SCOC: variants seen among roughly 807,000 people sequenced by gnomAD.
SCOC encodes short coiled coil protein.
A neutral mutation model predicts 9.9 loss-of-function variants in SCOC; 7 were observed. That is an observed-to-expected ratio of 0.71 (90% CI 0.40 to 1.33). The LOEUF (loss-of-function observed/expected upper bound fraction) is 1.33, where lower values mean the gene tolerates loss of function less well. Among genes scored for constraint, SCOC ranks in the 40% most tolerant of loss-of-function variants. SCOC has a pLI of 0.01. For missense variants in SCOC, 66 were observed against 89.7 expected, an observed-to-expected ratio of 0.74 and a Z score of 1.07; for synonymous variants, 19 against 28.2, an observed-to-expected ratio of 0.67 and a Z score of 1.03.
chr4:140,314,702 C>T lies in SCOC; in HGVS notation c.-18-28919C>T, dbSNP rs78802100. Among the ~76,000 whole-genome samples the T allele has an allele frequency of 8.8e-3, 1,334 of 152,160 alleles. 26 individuals carry two copies. Among genetic ancestry groups the T allele is most frequent in the African/African-American group, 0.024 (999 of 41,496 alleles). ...TATAAATCTTAAGGGGAGAGGGAAGCAAGAGAGGCAGATGTGGAAGTTGGC... is the reference window on the plus strand; with the variant it reads ...TATAAATCTTAAGGGGAGAGGGAAGTAAGAGAGGCAGATGTGGAAGTTGGC... On this transcript the variant is annotated intron_variant, in intron 1 of 4. Coordinates refer to the SCOC transcript ENST00000394205.
At chr4:140,301,747 G>T (rs1277971732) in intron 1 of SCOC, among the ~76,000 whole-genome samples, 1 of 152,184 alleles carries the variant, frequency 6.6e-6, no homozygotes, top group Non-Finnish European at 1.5e-5. Flanking sequence ...CATTTTCCAC[G>T]CACTGTTTCC....
intron 2 of SCOC, among the ~76,000 whole-genome samples, chr4:140,345,381 T>G (rs1040528348): frequency 4.6e-5 from 7 of 152,224 alleles, no homozygotes; most frequent in African/African-American, 1.7e-4. Flanking sequence ...TAATTTCTGC[T>G]GTTTCCATAT....
intron 1 of SCOC, among the ~76,000 whole-genome samples, chr4:140,264,213 C>T (rs190191371): frequency 1.3e-3 from 197 of 152,166 alleles, no homozygotes; most frequent in Admixed American, 2.1e-3. Context: ...CATGTTGCTC[C>T]GGCTGGTCTT....
intron 1 of SCOC, among the ~76,000 whole-genome samples, chr4:140,376,083 T>C (rs1318600395): frequency 6.6e-6 from 1 of 152,224 alleles, no homozygotes; most frequent in Non-Finnish European, 1.5e-5. Flanking sequence ...AAAAGGATTT[T>C]ATAGTTGAAA....
intron 2 of SCOC, among the ~76,000 whole-genome samples, chr4:140,355,636 T>C (rs1384406734): frequency 2.0e-5 from 3 of 152,188 alleles, no homozygotes; most frequent in Non-Finnish European, 2.9e-5. Context: ...AATATGGTCC[T>C]CTAGTTATGT....
intron 1 of SCOC, among the ~76,000 whole-genome samples, chr4:140,322,625 G>T (rs1044948900): frequency 1.3e-5 from 2 of 152,196 alleles, no homozygotes; most frequent in Non-Finnish European, 2.9e-5. Context: ...AAGCTGAGAA[G>T]TATTTTAGGA....
chr4:140,352,500 C>A (rs1727024282), intron 2 of SCOC, among the ~76,000 whole-genome samples: 1 of 152,172 alleles, frequency 6.6e-6, no homozygotes, highest in Admixed American at 6.5e-5. Flanking sequence ...TGCTTCTCAG[C>A]AGCTTCTGGG....
chr4:140,356,496 A>G (rs192161194), intron 2 of SCOC, among the ~76,000 whole-genome samples: 3 of 152,316 alleles, frequency 2.0e-5, no homozygotes, highest in Non-Finnish European at 4.4e-5. Flanking sequence ...TGTAGCTGTC[A>G]TGTCACCTTC....
intron 1 of SCOC, among the ~76,000 whole-genome samples, chr4:140,308,958 T>C (rs1267366086): frequency 6.6e-6 from 1 of 152,162 alleles, no homozygotes; most frequent in East Asian, 1.9e-4. Context: ...CCAGTGTTTT[T>C]GCTCACGCCC....
chr4:140,381,251 C>G lies in SCOC; in HGVS notation c.*147C>G. Reference sequence around the variant, plus strand: ...GATGTAGACAAAAATAACACAATAACAGGAGACTTCCATAAGTTTGTGTAT... The same window carrying G: ...GATGTAGACAAAAATAACACAATAAGAGGAGACTTCCATAAGTTTGTGTAT... On this transcript the variant is annotated 3_prime_UTR_variant, in exon 4 of 4. Transcript: ENST00000608372. 6 of 687,484 alleles carry G rather than the reference C, an allele frequency of 8.7e-6. No homozygotes were observed. The East Asian group carries it at 1.9e-4, about 21-fold the overall frequency. The allele number at this position is 687,484 out of a possible 1,614,324, so 42.6% of individuals were successfully genotyped here.
intron 1 of SCOC, among the ~76,000 whole-genome samples, chr4:140,336,789 T>C (rs1299283829): frequency 2.6e-5 from 4 of 152,236 alleles, no homozygotes; most frequent in African/African-American, 7.2e-5. Flanking sequence ...GTTTAACTTT[T>C]TGAGGAACTG....
At chr4:140,348,496 T>G (rs1454377067) in intron 2 of SCOC, among the ~76,000 whole-genome samples, 1 of 152,086 alleles carries the variant, frequency 6.6e-6, no homozygotes, top group Admixed American at 6.6e-5. Context: ...TAAGGCTGAA[T>G]TCTTCCACTA....
intron 2 of SCOC, among the ~76,000 whole-genome samples, chr4:140,355,223 A>ATAT (rs1247952108): frequency 1.2e-4 from 2 of 16,334 alleles, no homozygotes; most frequent in East Asian, 4.5e-3. Context: ...ATATATATAT[A>ATAT]TATATATATA....
upstream of SCOC, chr4:140,369,414 C>A (rs527546748): frequency 9.5e-4 from 286 of 299,822 alleles, 3 homozygotes; most frequent in South Asian, 7.2e-3. Flanking sequence ...TGAGATGGAA[C>A]ATGTTCTGCA....
chr4:140,329,081 C>G (rs11943235), intron 1 of SCOC, among the ~76,000 whole-genome samples: 3 of 152,038 alleles, frequency 2.0e-5, no homozygotes, highest in African/African-American at 7.2e-5. Flanking sequence ...AAAACAGCAT[C>G]GTATTGGTAT....
In SCOC at chr4:140,376,129, TGTA is replaced by T. The variant is rs1366309689; in HGVS notation, c.-51+2416_-51+2418del. On this transcript the variant is annotated intron_variant, in intron 1 of 3. Transcript: ENST00000608372. ...GCTCAGTATTAAGTATCTGTTATGA[TGTA>T]GTACTGTGTTAATGTAGACTTTGGG... 2.6e-5 allele frequency among the ~76,000 whole-genome samples: 4 copies of T among 152,336 alleles called. No homozygotes were observed. In the South Asian group the frequency reaches 8.3e-4, roughly 32 times the overall value.
chr4:140,365,768 ACTTT>A (rs1727766089), intron 2 of SCOC, among the ~76,000 whole-genome samples: 1 of 152,184 alleles, frequency 6.6e-6, no homozygotes, highest in Non-Finnish European at 1.5e-5. Context: ...CTTCCTTCTT[ACTTT>A]CTTAATAACA....
intron 1 of SCOC, among the ~76,000 whole-genome samples, chr4:140,336,033 C>G (rs1732947532): frequency 6.6e-6 from 1 of 152,102 alleles, no homozygotes; most frequent in Admixed American, 6.6e-5. Context: ...TCCTTTGATG[C>G]AGGTGTATTC....
At chr4:140,318,064 T>C (rs1407363026) in intron 1 of SCOC, among the ~76,000 whole-genome samples, 1 of 151,856 alleles carries the variant, frequency 6.6e-6, no homozygotes, top group Non-Finnish European at 1.5e-5. Context: ...TTCCATGGTG[T>C]ATATGTGCCA....
Sources: gnomAD v4.1 joint callset for allele counts (sites outside exome capture counted in the v4.1 genomes callset) on GRCh38, gnomAD v4.1.1 for gene constraint, MANE v1.5 for transcripts, NCBI Gene and HGNC (gene_info 2026-07-23, HGNC 2026-07-21) for gene names.